Variants in GNAI1 observed in about 807,000 individuals in gnomAD.
The protein encoded by GNAI1 is guanine nucleotide-binding protein G(i) subunit alpha-1.
A neutral mutation model predicts 38.9 loss-of-function variants in GNAI1; 11 were observed. The ratio of observed to expected loss-of-function variants is 0.28; its 90% CI spans 0.18 to 0.47. The LOEUF (loss-of-function observed/expected upper bound fraction) is 0.47. Among genes scored for constraint, GNAI1 ranks in the 20% least tolerant of loss-of-function variants. The probability of loss-of-function intolerance (pLI) is 0.99; values close to 1 mark genes in which losing one functional copy is unlikely to be tolerated. For missense variants in GNAI1, 317 were observed against 436.9 expected (o/e 0.73, Z 2.45); for synonymous variants, 166 against 145.1 (o/e 1.14, Z -1.04).
intron 4 of GNAI1, among the ~76,000 whole-genome samples, chr7:80,200,275 A>G (rs986179305): frequency 1.6e-5 from 2 of 125,854 alleles, no homozygotes; most frequent in Non-Finnish European, 3.2e-5. Context: ...GCAGTGAGCC[A>G]TGCTCGTACC....
chr7:80,170,124 C>A (rs2116153353), intron 1 of GNAI1, among the ~76,000 whole-genome samples: 1 of 152,296 alleles, frequency 6.6e-6, no homozygotes, highest in Non-Finnish European at 1.5e-5. Flanking sequence ...CTGCTATAAA[C>A]ATTCATGTAC....
intron 4 of GNAI1, 147 bp downstream of exon 4, chr7:80,199,529 C>T: frequency 3.3e-6 from 2 of 602,638 alleles, no homozygotes; most frequent in South Asian, 5.3e-5. Flanking sequence ...AAAACTTTGT[C>T]TTATGTGTGT....
chr7:80,210,928 G>A (rs1584054214), intron 5 of GNAI1, 41 bp from the exon 6 acceptor site: 1 of 1,583,860 alleles, frequency 6.3e-7, no homozygotes, highest in Non-Finnish European at 8.7e-7. Context: ...AGAGCTTTTT[G>A]AACATTTAAT....
chr7:80,199,878 A>T (rs1788648073), intron 4 of GNAI1, among the ~76,000 whole-genome samples: 1 of 152,124 alleles, frequency 6.6e-6, no homozygotes, highest in Non-Finnish European at 1.5e-5. Flanking sequence ...ATAGCTCTGT[A>T]TTTGAAAATT....
In GNAI1 at chr7:80,168,974, C is replaced by T. The variant is rs554207665; in HGVS notation, c.119-19977C>T. ...CAGGACCTATATATTGCCTCTGTTG[C>T]CAGAAACTTACGCTTCATTTTGTTT... On this transcript the variant is annotated intron_variant, in intron 1 of 7. Coordinates refer to ENST00000649796, the MANE Select transcript of GNAI1 (RefSeq NM_002069.6). Among the ~76,000 whole-genome samples, 5 of 152,032 alleles carry T rather than the reference C, an allele frequency of 3.3e-5. No homozygotes were observed. In the South Asian group the frequency reaches 1.0e-3, roughly 32 times the overall value.
At chr7:80,170,996 G>A (rs2116155439) in intron 1 of GNAI1, among the ~76,000 whole-genome samples, 1 of 152,236 alleles carries the variant, frequency 6.6e-6, no homozygotes, top group Non-Finnish European at 1.5e-5. Flanking sequence ...AGTAAAGACA[G>A]TTTGGAAAAG....
chr7:80,150,731 C>T (rs993388382), intron 1 of GNAI1, among the ~76,000 whole-genome samples: 1 of 152,114 alleles, frequency 6.6e-6, no homozygotes, highest in Non-Finnish European at 1.5e-5. Flanking sequence ...CGTAAATAAA[C>T]AGAACTTTTG....
At chr7:80,154,571 C>A (rs1787786785) in intron 1 of GNAI1, among the ~76,000 whole-genome samples, 1 of 152,072 alleles carries the variant, frequency 6.6e-6, no homozygotes, top group Non-Finnish European at 1.5e-5. Context: ...TATTTGGATT[C>A]TTCTTACATA....
At chr7:80,191,067 A>G (rs1788471250) in intron 3 of GNAI1, among the ~76,000 whole-genome samples, 1 of 151,742 alleles carries the variant, frequency 6.6e-6, no homozygotes, top group Non-Finnish European at 1.5e-5. Context: ...CTTTAGCGAT[A>G]CTTCAGTAAC....
Position 80,222,512 on chromosome 7 carries a change from C to T in GNAI1, c.*5019C>T, listed in dbSNP as rs1035782493. Among the ~76,000 whole-genome samples, 3 of 151,364 alleles carry T rather than the reference C, an allele frequency of 2.0e-5. No individual in the cohort carries two copies. Among genetic ancestry groups the T allele is most frequent in the East Asian group, 1.9e-4 (1 of 5,176 alleles). ...AAGCAATTCTCCTGCCTCAGGTTCC[C>T]GAGTAGCTGGGATTACAGGCATGCG... On this transcript the variant is annotated 3_prime_UTR_variant, in exon 8 of 8. Coordinates refer to ENST00000649796, the MANE Select transcript of GNAI1 (RefSeq NM_002069.6).
At chr7:80,162,666 T>C (rs1787944764) in intron 1 of GNAI1, among the ~76,000 whole-genome samples, 1 of 152,162 alleles carries the variant, frequency 6.6e-6, no homozygotes, top group South Asian at 2.1e-4. Flanking sequence ...AAACCCTCCT[T>C]GGGTTGAAGG....
chr7:80,190,758 T>G (rs1280890540), intron 3 of GNAI1, among the ~76,000 whole-genome samples: 1 of 152,180 alleles, frequency 6.6e-6, no homozygotes, highest in Admixed American at 6.5e-5. Context: ...TTTGGATCTT[T>G]TATGTGCTTA....
At chr7:80,170,327 C>T in intron 1 of GNAI1, among the ~76,000 whole-genome samples, 1 of 152,104 alleles carries the variant, frequency 6.6e-6, no homozygotes, top group South Asian at 2.1e-4. Flanking sequence ...TTTATTATGG[C>T]CATCCTAGTG....
At position 80,217,380 on chromosome 7, in the gene GNAI1, G is replaced by A; in HGVS notation, c.952G>A (p.Glu318Lys). Residue 318 changes from glutamate to lysine, a missense_variant, in exon 8 of 8, where the codon GAA (glutamate) becomes AAA (lysine). Glu to Lys is a moderately conservative substitution (Grantham distance 56). This residue lies in a region of GNAI1 where 158 missense variants were observed against 234.7 expected (regional missense o/e 0.67). Coordinates refer to ENST00000649796, the MANE Select transcript of GNAI1 (RefSeq NM_002069.6). ...CCTCAATAAAAGAAAGGACACAAAG[G>A]AAATATACACCCACTTCACATGTGC... ...EDLNKRKDTK[E>K]IYTHFTCATD... 1 of 1,606,068 alleles carries A rather than the reference G, an allele frequency of 6.2e-7. No individual in the cohort carries two copies. The highest frequency in any genetic ancestry group is 8.5e-7 in the Non-Finnish European group (1 of 1,174,630).
intron 1 of GNAI1, among the ~76,000 whole-genome samples, chr7:80,144,779 A>T (rs942709307): frequency 1.3e-5 from 2 of 152,196 alleles, no homozygotes; most frequent in Admixed American, 1.3e-4. Context: ...GCCTTCTTAT[A>T]TGGTTCCGAA....
intron 1 of GNAI1, among the ~76,000 whole-genome samples, chr7:80,140,970 C>T (rs1308393904): frequency 1.3e-5 from 2 of 152,164 alleles, no homozygotes; most frequent in Non-Finnish European, 2.9e-5. Flanking sequence ...TCAAAGCCAG[C>T]AATAGCTGGT....
chr7:80,197,037 G>A (rs1266565148), intron 3 of GNAI1, among the ~76,000 whole-genome samples: 1 of 151,756 alleles, frequency 6.6e-6, no homozygotes, highest in Non-Finnish European at 1.5e-5. Context: ...GTCATCCCAT[G>A]TATCTGCTAC....
intron 1 of GNAI1, among the ~76,000 whole-genome samples, chr7:80,163,970 T>C (rs1358402914): frequency 2.7e-5 from 4 of 150,500 alleles, no homozygotes; most frequent in Admixed American, 6.6e-5. Flanking sequence ...TGCTTTCTTT[T>C]TTTTTTTTTT....
chr7:80,196,186 A>G (rs111439416), intron 3 of GNAI1, among the ~76,000 whole-genome samples: 348 of 152,158 alleles, frequency 2.3e-3, no homozygotes, highest in Non-Finnish European at 4.1e-3. Context: ...GCACATGAAT[A>G]TATGAACTGG....
Sources: gnomAD v4.1 joint callset for allele counts (sites outside exome capture counted in the v4.1 genomes callset) on GRCh38, gnomAD v4.1.1 for gene constraint, gnomAD v4.1.1 regional missense constraint, MANE v1.5 for transcripts, NCBI Gene and HGNC (gene_info 2026-07-23, HGNC 2026-07-21) for gene names.